The following SPAG17 variants were observed in gnomAD, a reference collection of about 807,000 sequenced individuals.
SPAG17 encodes sperm associated antigen 17.
In SPAG17, 169 loss-of-function variants were observed where a neutral mutation model predicts 273.6. The observed-to-expected ratio is 0.62, with a 90% CI of 0.55 to 0.70. The LOEUF is 0.70. Among genes scored for constraint, SPAG17 ranks in the 30% least tolerant of loss-of-function variants. The pLI, the probability that SPAG17 is intolerant of heterozygous loss-of-function variation, is 0.00. For missense variants in SPAG17, 2,557 were observed against 2,627.8 expected, an observed-to-expected ratio of 0.97 and a Z score of 0.59; for synonymous variants, 825 against 873.2, an observed-to-expected ratio of 0.94 and a Z score of 0.97.
intron 18 of SPAG17, among the ~76,000 whole-genome samples, chr1:118,061,161 G>C (rs1483106763): frequency 6.6e-6 from 1 of 152,084 alleles, no homozygotes; most frequent in Non-Finnish European, 1.5e-5. Flanking sequence ...TCAAAAATTA[G>C]AAATAGAACA....
intron 43 of SPAG17, among the ~76,000 whole-genome samples, chr1:117,981,034 A>C (rs946224484): frequency 6.6e-6 from 1 of 152,234 alleles, no homozygotes; most frequent in African/African-American, 2.4e-5. Context: ...ACATCAAAAA[A>C]GGATTTCTTT....
chr1:118,152,751 T>G lies in SPAG17; in HGVS notation c.88-1382A>C, dbSNP rs548923955. ...GTCTCTAAATTCACCAGGGGAAGAC[T>G]GACCATTTATTTTTTAAACATTCTG... On this transcript the variant is annotated intron_variant, in intron 1 of 48. Transcript: ENST00000336338. 1.2e-4 allele frequency among the ~76,000 whole-genome samples: 19 copies of G among 152,328 alleles called. No individual in the cohort carries two copies. In the East Asian group the frequency reaches 3.3e-3, roughly 26 times the overall value.
intron 3 of SPAG17, among the ~76,000 whole-genome samples, chr1:118,139,147 A>T (rs553980677): frequency 5.9e-5 from 9 of 152,186 alleles, no homozygotes; most frequent in Non-Finnish European, 1.5e-5. Flanking sequence ...AATGGGCAAG[A>T]GACCTGGGGT....
chr1:117,960,662 A>T (rs1652954598), intron 48 of SPAG17: 1 of 152,252 alleles, frequency 6.6e-6, no homozygotes, highest in Non-Finnish European at 1.5e-5. Context: ...ACTTGAGCTC[A>T]CTGCATAGCA....
At chr1:118,150,686 G>T (rs940232333) in intron 2 of SPAG17, 57 bp from the exon 3 acceptor site, 1 of 1,000,088 alleles carries the variant, frequency 1.0e-6, no homozygotes, top group Non-Finnish European at 1.5e-6. Flanking sequence ...AGAATACTTA[G>T]ATATATGTAA....
Position 118,054,084 on chromosome 1 carries a change from C to T in SPAG17, c.2732G>A (p.Gly911Glu). ...ATCTGATATCTCTGTTTTGCTGATTCCTTTGTTACCTATAATCAGATAAAA... is the reference window on the plus strand; with the variant it reads ...ATCTGATATCTCTGTTTTGCTGATTTCTTTGTTACCTATAATCAGATAAAA... ...FSIKESKSNK[G>E]ISKTEISDQE... The change falls in exon 20 of 49, where the codon GGA (glycine) becomes GAA (glutamate). Residue 911 changes from glycine (G) to glutamate (E), a missense_variant. Gly to Glu is a moderately conservative substitution (Grantham distance 98). Coordinates refer to ENST00000336338, the MANE Select transcript of SPAG17 (RefSeq NM_206996.4). 2 of 1,594,108 alleles carry T rather than the reference C, an allele frequency of 1.3e-6. No homozygotes were observed. Among genetic ancestry groups the T allele is most frequent in the Non-Finnish European group, 1.7e-6 (2 of 1,165,716 alleles).
chr1:117,992,718 C>T (rs1657245528), intron 35 of SPAG17, 70 bp from the exon 36 acceptor site: 1 of 1,322,672 alleles, frequency 7.6e-7, no homozygotes, highest in African/African-American at 1.5e-5. Context: ...TTTTTTTTAA[C>T]TGTTCATTTA....
intron 3 of SPAG17, among the ~76,000 whole-genome samples, chr1:118,128,939 G>A (rs534009438): frequency 2.6e-5 from 4 of 152,214 alleles, no homozygotes; most frequent in Admixed American, 6.5e-5. Context: ...TCCATGATTG[G>A]TTCAAGAGGT....
At chr1:118,082,240 G>A (rs376398923) in intron 13 of SPAG17, among the ~76,000 whole-genome samples, 7 of 152,034 alleles carry the variant, frequency 4.6e-5, no homozygotes, top group South Asian at 2.1e-4. Context: ...TATTTTCTAC[G>A]TATTAGGCTT....
intron 13 of SPAG17, among the ~76,000 whole-genome samples, 165 bp from the exon 14 acceptor site, chr1:118,081,807 T>C (rs1351714012): frequency 6.6e-6 from 1 of 152,114 alleles, no homozygotes; most frequent in African/African-American, 2.4e-5. Context: ...CTGCCGCAAA[T>C]ATCAAAGGTA....
chr1:118,116,172 G>A (rs1358111584), intron 3 of SPAG17, among the ~76,000 whole-genome samples: 1 of 152,020 alleles, frequency 6.6e-6, no homozygotes, highest in Non-Finnish European at 1.5e-5. Context: ...TAACATCTGG[G>A]CCCTTTTCCT....
chr1:118,053,122 T>C (rs1432013219), intron 20 of SPAG17, among the ~76,000 whole-genome samples: 1 of 151,992 alleles, frequency 6.6e-6, no homozygotes, highest in Non-Finnish European at 1.5e-5. Flanking sequence ...TAAATCAATC[T>C]CTATAATTCA....
At chr1:118,161,666 T>C (rs1659925610) in intron 1 of SPAG17, among the ~76,000 whole-genome samples, 1 of 152,004 alleles carries the variant, frequency 6.6e-6, no homozygotes, top group Non-Finnish European at 1.5e-5. Context: ...GCCTCCTGAG[T>C]AGCTGGGACT....
intron 3 of SPAG17, among the ~76,000 whole-genome samples, chr1:118,135,587 C>T (rs954033913): frequency 3.9e-5 from 6 of 152,140 alleles, no homozygotes; most frequent in Admixed American, 3.3e-4. Flanking sequence ...TGACCATTCA[C>T]ATTTTTATTT....
intron 48 of SPAG17, 26 bp downstream of exon 48, chr1:117,963,772 CA>C: frequency 6.3e-7 from 1 of 1,589,080 alleles, no homozygotes; most frequent in Non-Finnish European, 8.6e-7. Context: ...GCTTGACAAT[CA>C]AATTCCCATT....
At chr1:118,036,686 G>A (rs941770328) in intron 24 of SPAG17, 84 bp downstream of exon 24, 14 of 851,362 alleles carry the variant, frequency 1.6e-5, no homozygotes, top group Non-Finnish European at 2.6e-5. Flanking sequence ...ACATGTTATT[G>A]ACAAGTGAGC....
intron 3 of SPAG17, among the ~76,000 whole-genome samples, chr1:118,138,683 A>C (rs186625854): frequency 3.9e-4 from 60 of 152,334 alleles, no homozygotes; most frequent in Non-Finnish European, 6.2e-4. Flanking sequence ...GCTGGTACCC[A>C]GGAAAGCACC....
chr1:118,015,271 C>CAA lies in SPAG17; in HGVS notation c.4287+692_4287+693dup, dbSNP rs757554740. Among the ~76,000 whole-genome samples the CAA allele has an allele frequency of 4.2e-3, 340 of 80,152 alleles. 2 individuals carry two copies. The highest frequency in any genetic ancestry group is 0.011 in the African/African-American group (243 of 22,170). The allele number at this position is 80,152 out of a possible 152,430, so 52.6% of individuals were successfully genotyped here. A position where few individuals can be genotyped will look rare whatever the true frequency, so the allele number is the denominator to read the frequency against. On this transcript the variant is annotated intron_variant, in intron 29 of 48. Transcript: ENST00000336338. ...GGGCGACAACAGCAAACCTCTGTGT[C>CAA]AAAAAAAAAAAAAAAAAAAATCCTG... is the stretch of plus-strand genomic sequence containing the variant.
intron 1 of SPAG17, among the ~76,000 whole-genome samples, chr1:118,176,582 G>A (rs2102403551): frequency 6.6e-6 from 1 of 152,186 alleles, no homozygotes; most frequent in African/African-American, 2.4e-5. Flanking sequence ...AGTTGTAAAG[G>A]GAGAGATAGA....
Sources: gnomAD v4.1 joint callset for allele counts (sites outside exome capture counted in the v4.1 genomes callset) on GRCh38, gnomAD v4.1.1 for gene constraint, MANE v1.5 for transcripts, NCBI Gene and HGNC (gene_info 2026-07-23, HGNC 2026-07-21) for gene names.